Variants in AFG1L observed in about 807,000 individuals in gnomAD.
AFG1L encodes AFG1-like ATPase.
A neutral mutation model predicts 62.2 loss-of-function variants in AFG1L; 53 were observed. The ratio of observed to expected loss-of-function variants is 0.85; its 90% confidence interval spans 0.68 to 1.07. The LOEUF (loss-of-function observed/expected upper bound fraction) is 1.07, where lower values mean the gene tolerates loss of function less well. Among genes scored for constraint, AFG1L ranks in the 50% least tolerant of loss-of-function variants. AFG1L has a pLI of 0.00. For missense variants in AFG1L, 555 were observed against 590.5 expected, an observed-to-expected ratio of 0.94 and a Z score of 0.62; for synonymous variants, 228 against 210.3, an observed-to-expected ratio of 1.08 and a Z score of -0.73.
At chr6:108,448,882 G>T (rs895618900) in intron 8 of AFG1L, among the ~76,000 whole-genome samples, 1 of 152,156 alleles carries the variant, frequency 6.6e-6, no homozygotes, top group Non-Finnish European at 1.5e-5. Context: ...AGGCACAATG[G>T]CTCATGCCTA....
chr6:108,456,024 A>G (rs1378468371), intron 8 of AFG1L, among the ~76,000 whole-genome samples: 1 of 152,184 alleles, frequency 6.6e-6, no homozygotes, highest in Admixed American at 6.5e-5. Context: ...GTATTGAGAA[A>G]GAGGTGCTGA....
In AFG1L at chr6:108,309,474, C is replaced by T. The variant is rs550530136; in HGVS notation, c.139+14256C>T. Among the ~76,000 whole-genome samples, 10 of 152,252 alleles carry T rather than the reference C, an allele frequency of 6.6e-5. No individual in the cohort carries two copies. In the Middle Eastern group the frequency reaches 0.017, roughly 259 times the overall value. Reference sequence around the variant, plus strand: ...GACCAGACCTGAGCTTTGATACCATCGCCATTAGCCACATGTGGACACTGA... The same window carrying T: ...GACCAGACCTGAGCTTTGATACCATTGCCATTAGCCACATGTGGACACTGA... On this transcript the variant is annotated intron_variant, in intron 1 of 12. Transcript: ENST00000368977.
At chr6:108,383,575 A>C (rs1023406403) in intron 6 of AFG1L, among the ~76,000 whole-genome samples, 1 of 152,108 alleles carries the variant, frequency 6.6e-6, no homozygotes, top group African/African-American at 2.4e-5. Context: ...AGGAAAACTA[A>C]CATAAGAAGC....
At chr6:108,453,118 A>G (rs947059303) in intron 8 of AFG1L, among the ~76,000 whole-genome samples, 67 of 152,348 alleles carry the variant, frequency 4.4e-4, no homozygotes, top group African/African-American at 1.6e-3. Context: ...GCTTCTGTCC[A>G]CTGAAGTCAT....
At chr6:108,443,494 A>G (rs1771631677) in intron 7 of AFG1L, among the ~76,000 whole-genome samples, 1 of 152,240 alleles carries the variant, frequency 6.6e-6, no homozygotes, top group East Asian at 1.9e-4. Flanking sequence ...TCACATTGTA[A>G]GAAGAACATG....
intron 8 of AFG1L, among the ~76,000 whole-genome samples, chr6:108,447,714 A>C (rs1771876324): frequency 6.6e-6 from 1 of 152,168 alleles, no homozygotes; most frequent in Non-Finnish European, 1.5e-5. Context: ...ATTGACTTCC[A>C]TATATAACTG....
chr6:108,366,003 A>G (rs944468287), intron 5 of AFG1L, among the ~76,000 whole-genome samples: 3 of 152,142 alleles, frequency 2.0e-5, no homozygotes, highest in African/African-American at 7.2e-5. Flanking sequence ...TTATCATAGA[A>G]CCATTTGGTA....
At chr6:108,386,811 T>A (rs1780784992) in intron 6 of AFG1L, among the ~76,000 whole-genome samples, 1 of 152,322 alleles carries the variant, frequency 6.6e-6, no homozygotes, top group Admixed American at 6.5e-5. Flanking sequence ...GTTTCTACAT[T>A]TTTTTGAAGT....
chr6:108,472,389 C>T (rs1256840359), intron 8 of AFG1L, among the ~76,000 whole-genome samples: 1 of 152,100 alleles, frequency 6.6e-6, no homozygotes, highest in Admixed American at 6.5e-5. Context: ...CTTACCGCCC[C>T]CAACCCCTCA....
chr6:108,318,721 A>G (rs1777699292), intron 1 of AFG1L, among the ~76,000 whole-genome samples: 1 of 152,370 alleles, frequency 6.6e-6, no homozygotes, highest in South Asian at 2.1e-4. Context: ...TATTCGAAAG[A>G]ATAGCGCAGA....
chr6:108,481,406 G>C (rs146070690), intron 10 of AFG1L, among the ~76,000 whole-genome samples: 1 of 152,216 alleles, frequency 6.6e-6, no homozygotes, highest in African/African-American at 2.4e-5. Context: ...ACCTCTAGGG[G>C]TCCCCGAGAC....
intron 11 of AFG1L, among the ~76,000 whole-genome samples, chr6:108,511,124 A>AAGGAGGAGG (rs552164631): frequency 6.7e-6 from 1 of 148,544 alleles, no homozygotes; most frequent in Non-Finnish European, 1.5e-5. Flanking sequence ...GAAGAAGTAG[A>AAGGAGGAGG]AGGAGGAGGA....
intron 1 of AFG1L, among the ~76,000 whole-genome samples, chr6:108,321,330 A>G (rs1777804806): frequency 6.6e-6 from 1 of 151,554 alleles, no homozygotes; most frequent in South Asian, 2.1e-4. Context: ...GAGATGGCCT[A>G]GGGGGATACC....
chr6:108,491,746 A>T (rs944904551), intron 10 of AFG1L, among the ~76,000 whole-genome samples: 1 of 152,176 alleles, frequency 6.6e-6, no homozygotes, highest in Non-Finnish European at 1.5e-5. Context: ...TTCCAGCAGC[A>T]CGGGGAGATA....
Position 108,398,703 on chromosome 6 carries a change from A to G in AFG1L, c.749-3293A>G, listed in dbSNP as rs190212812. ...TTTTCCAGCACTGTTTAATGAAGAG[A>G]TGGTCTTTTCCCCAGTGTGTATTCT... is the stretch of plus-strand genomic sequence containing the variant. On this transcript the variant is annotated intron_variant, in intron 6 of 12. Coordinates refer to ENST00000368977, the MANE Select transcript of AFG1L (RefSeq NM_145315.5). 1.6e-3 allele frequency among the ~76,000 whole-genome samples: 243 copies of G among 152,130 alleles called. 1 individual carries two copies. In the East Asian group the frequency reaches 0.028, roughly 17 times the overall value.
chr6:108,363,067 G>A (rs947153564), intron 5 of AFG1L, among the ~76,000 whole-genome samples: 22 of 152,160 alleles, frequency 1.4e-4, no homozygotes, highest in African/African-American at 5.3e-4. Context: ...CTAGGGAGAC[G>A]AATGGTAATT....
chr6:108,319,761 A>G (rs1280875888), intron 1 of AFG1L: 2 of 436,806 alleles, frequency 4.6e-6, no homozygotes, highest in Non-Finnish European at 4.6e-6. Flanking sequence ...GATGTGTGCC[A>G]CTCCACCCAG....
rs373777037 is a variant in AFG1L, at chr6:108,349,933, G to A, written c.415+2894G>A. On this transcript the variant is annotated intron_variant, in intron 3 of 12. Transcript: ENST00000368977. ...CCCTATCTTAAAAATAAATAAATAAGTAAATTGGGCTAGGTGCGGTGGCCC... is the reference window on the plus strand; with the variant it reads ...CCCTATCTTAAAAATAAATAAATAAATAAATTGGGCTAGGTGCGGTGGCCC... Among the ~76,000 whole-genome samples, 18 of 146,330 alleles carry A rather than the reference G, an allele frequency of 1.2e-4. No homozygotes were observed. The East Asian group carries it at 1.9e-3, about 15-fold the overall frequency.
At position 108,368,449 on chromosome 6, in the gene AFG1L, CA is replaced by C. The variant is rs1779851360; in HGVS notation, c.748+2118del. 2.0e-5 allele frequency among the ~76,000 whole-genome samples: 3 copies of C among 152,164 alleles called. No individual in the cohort carries two copies. In the South Asian group the frequency reaches 6.2e-4, roughly 32 times the overall value. On this transcript the variant is annotated intron_variant, in intron 6 of 12. Transcript: ENST00000368977. The stretch of plus-strand genomic sequence containing the variant: ...ATCCAGTTATTCAAACAATTATAGT[CA>C]TACCTCATCCATTGTACTACAAAAG...
Sources: gnomAD v4.1 joint callset for allele counts (sites outside exome capture counted in the v4.1 genomes callset) on GRCh38, gnomAD v4.1.1 for gene constraint, MANE v1.5 for transcripts, NCBI Gene and HGNC (gene_info 2026-07-23, HGNC 2026-07-21) for gene names.